CACNA2D2: variants seen among roughly 807,000 people sequenced by gnomAD.
CACNA2D2 encodes voltage-dependent calcium channel subunit alpha-2/delta-2.
A neutral mutation model predicts 166.4 loss-of-function variants in CACNA2D2; 48 were observed. That is an observed-to-expected ratio of 0.29 (90% CI 0.23 to 0.37). The LOEUF (loss-of-function observed/expected upper bound fraction) is 0.37. CACNA2D2 is among the 10% of genes least tolerant of loss of function. The pLI is 1.00. For synonymous variants in CACNA2D2, 561 were observed against 573.7 expected, an observed-to-expected ratio of 0.98 and a Z score of 0.32; for missense variants, 1,122 against 1,433.0, an observed-to-expected ratio of 0.78 and a Z score of 3.50.
At chr3:50,378,663 GCAAA>G (rs1450267985) in intron 13 of CACNA2D2, among the ~76,000 whole-genome samples, 1 of 152,252 alleles carries the variant, frequency 6.6e-6, no homozygotes, top group African/African-American at 2.4e-5. Flanking sequence ...GGACGGATCA[GCAAA>G]CAGACGCAGG....
Position 50,382,483 on chromosome 3 carries a change from G to A in CACNA2D2, c.653-1357C>T, listed in dbSNP as rs1015395624. On this transcript the variant is annotated intron_variant, in intron 6 of 37. Transcript: ENST00000424201. ...CTCTGGAGCGTGGAGCCTCTGCTGC[G>A]TCCGCTGCCTGATCCCTGCCCCCTG... Among the ~76,000 whole-genome samples the A allele has an allele frequency of 3.9e-5, 6 of 152,166 alleles. No homozygotes were observed. The South Asian group carries it at 6.2e-4, about 16-fold the overall frequency.
chr3:50,422,956 A>G (rs1159890501), intron 3 of CACNA2D2, among the ~76,000 whole-genome samples: 1 of 152,226 alleles, frequency 6.6e-6, no homozygotes, highest in Non-Finnish European at 1.5e-5. Flanking sequence ...GTGGTGGAGC[A>G]GCGTTGGCTG....
At chr3:50,487,586 C>A (rs1467913) in intron 1 of CACNA2D2, among the ~76,000 whole-genome samples, 44,282 of 152,028 alleles carry the variant, frequency 0.29, 9,125 homozygotes, top group East Asian at 0.62. Flanking sequence ...TCTGTGGTGA[C>A]TCCTTTAGCA....
chr3:50,416,912 T>C (rs901666588), intron 3 of CACNA2D2, among the ~76,000 whole-genome samples: 24 of 152,160 alleles, frequency 1.6e-4, no homozygotes, highest in African/African-American at 5.3e-4. Context: ...GTGGGCATGA[T>C]GGGCTGAGAT....
chr3:50,436,698 G>C (rs1311529938), intron 2 of CACNA2D2, among the ~76,000 whole-genome samples: 1 of 152,310 alleles, frequency 6.6e-6, no homozygotes, highest in South Asian at 2.1e-4. Context: ...TATTAGTTTG[G>C]GATCACCAGA....
chr3:50,401,194 C>A (rs961134334), intron 3 of CACNA2D2, among the ~76,000 whole-genome samples: 1 of 152,222 alleles, frequency 6.6e-6, no homozygotes, highest in Admixed American at 6.5e-5. Context: ...AACAGGCTCC[C>A]TGACCTTTTC....
intron 17 of CACNA2D2, among the ~76,000 whole-genome samples, chr3:50,377,024 A>G (rs1391899879): frequency 6.6e-6 from 1 of 152,228 alleles, no homozygotes; most frequent in Non-Finnish European, 1.5e-5. Flanking sequence ...GCTGCCCATT[A>G]CTATGTGGCC....
intron 3 of CACNA2D2, among the ~76,000 whole-genome samples, chr3:50,403,142 A>G (rs943609224): frequency 1.3e-5 from 2 of 152,146 alleles, no homozygotes; most frequent in African/African-American, 2.4e-5. Flanking sequence ...CTGTACCTTG[A>G]TCTCTCATCT....
At chr3:50,384,066 A>T (rs1705460888) in intron 6 of CACNA2D2, 130 bp downstream of exon 6, 2 of 1,124,298 alleles carry the variant, frequency 1.8e-6, no homozygotes. Flanking sequence ...GCGCAGGAGT[A>T]ATCTCAGGTG....
intron 1 of CACNA2D2, among the ~76,000 whole-genome samples, chr3:50,487,003 T>C (rs1357962519): frequency 6.6e-6 from 1 of 152,200 alleles, no homozygotes; most frequent in Non-Finnish European, 1.5e-5. Flanking sequence ...GGGCACTCCA[T>C]GTGATTTCCA....
At chr3:50,405,484 G>A (rs1029523985) in intron 3 of CACNA2D2, among the ~76,000 whole-genome samples, 9 of 152,176 alleles carry the variant, frequency 5.9e-5, no homozygotes, top group Non-Finnish European at 1.2e-4. Context: ...GCTGGGTTTG[G>A]GCAACCACCT....
At chr3:50,503,642 C>T (rs1336771013), upstream of CACNA2D2, 4 of 159,382 alleles carry the variant, frequency 2.5e-5, no homozygotes, top group Non-Finnish European at 5.5e-5. Context: ...TCTGAGCGCC[C>T]GGCCCGGGAC....
intron 2 of CACNA2D2, among the ~76,000 whole-genome samples, chr3:50,444,558 A>G (rs939450824): frequency 2.0e-5 from 3 of 152,202 alleles, no homozygotes. Flanking sequence ...CAAGGCCCTG[A>G]GCACCTTCCC....
intron 1 of CACNA2D2, among the ~76,000 whole-genome samples, chr3:50,488,165 G>A (rs1238633126): frequency 2.0e-5 from 3 of 152,128 alleles, no homozygotes; most frequent in Non-Finnish European, 4.4e-5. Context: ...CCCAGCAGTG[G>A]GCTCCACACA....
intron 2 of CACNA2D2, among the ~76,000 whole-genome samples, chr3:50,471,181 A>C (rs1710080185): frequency 6.6e-6 from 1 of 151,888 alleles, no homozygotes; most frequent in Admixed American, 6.6e-5. Context: ...CGTGATGAGC[A>C]AGTGCAGAGC....
intron 2 of CACNA2D2, among the ~76,000 whole-genome samples, chr3:50,442,816 G>A (rs1223201277): frequency 2.0e-5 from 3 of 152,148 alleles, no homozygotes; most frequent in Non-Finnish European, 4.4e-5. Flanking sequence ...CCACTGGAGG[G>A]GCATCTGTTG....
At chr3:50,406,054 C>T (rs1420554850) in intron 3 of CACNA2D2, among the ~76,000 whole-genome samples, 4 of 151,814 alleles carry the variant, frequency 2.6e-5, no homozygotes, top group South Asian at 2.1e-4. Flanking sequence ...TCCTGGAGCC[C>T]TATTCAGGTC....
intron 1 of CACNA2D2, among the ~76,000 whole-genome samples, chr3:50,485,844 G>A (rs1051453756): frequency 7.9e-5 from 12 of 152,188 alleles, no homozygotes; most frequent in Admixed American, 2.0e-4. Context: ...AGCAATCAGC[G>A]AGAGGCACTA....
chr3:50,376,499 C>T lies in CACNA2D2; in HGVS notation c.1627-311G>A, dbSNP rs1477027283. ...GACCTCTCTGCCACCACCGGCCCCA[C>T]AGGTCTGCTGCTTCTGTACCCCTGT... On this transcript the variant is annotated intron_variant, in intron 17 of 37. Transcript: ENST00000424201. This position sits in a 1 kb window ranked among gnomAD's most constrained non-coding sequence, Gnocchi z 4.3. Among the ~76,000 whole-genome samples, 1 of 152,210 alleles carries T rather than the reference C, an allele frequency of 6.6e-6. No individual in the cohort carries two copies. Among genetic ancestry groups the T allele is most frequent in the Admixed American group, 6.5e-5 (1 of 15,286 alleles).
Sources: allele counts gnomAD v4.1 joint callset (sites outside exome capture counted in the v4.1 genomes callset), GRCh38; gene constraint gnomAD v4.1.1; non-coding constraint Gnocchi (gnomAD v3.1); transcripts MANE v1.5; gene names NCBI Gene and HGNC (gene_info 2026-07-23, HGNC 2026-07-21).